The following DLG5 variants were observed in gnomAD, a reference collection of about 807,000 sequenced individuals.
DLG5 encodes the protein discs large MAGUK scaffold protein 5.
DLG5 carries 48 observed loss-of-function variants against 189.8 expected under a neutral mutation model. The ratio of observed to expected loss-of-function variants is 0.25; its 90% CI spans 0.20 to 0.32. DLG5 has a LOEUF of 0.32. Among genes scored for constraint, DLG5 ranks in the 10% least tolerant of loss-of-function variants. DLG5 has a pLI of 1.00. For synonymous variants in DLG5, 1,016 were observed against 1,054.1 expected (o/e 0.96, Z 0.70); for missense variants, 2,160 against 2,544.7 (o/e 0.85, Z 3.25).
intron 26 of DLG5, 40 bp downstream of exon 26, chr10:77,806,718 A>ACGCCCCCCCCCCCC: frequency 7.5e-7 from 1 of 1,333,654 alleles, no homozygotes; most frequent in Non-Finnish European, 1.1e-6. Flanking sequence ...GCCCTCGGCG[A>ACGCCCCCCCCCCCC]CCCCTGCCCC....
intron 9 of DLG5, among the ~76,000 whole-genome samples, chr10:77,833,626 G>A (rs1589179519): frequency 1.3e-5 from 2 of 152,362 alleles, no homozygotes; most frequent in South Asian, 4.1e-4. Context: ...CAGATGGACT[G>A]CTTGGGAACA....
intron 9 of DLG5, among the ~76,000 whole-genome samples, chr10:77,831,329 G>A (rs948723360): frequency 2.0e-5 from 3 of 152,080 alleles, no homozygotes; most frequent in African/African-American, 4.8e-5. Context: ...AATCAGGGAG[G>A]CAGAGGTTGC....
upstream of DLG5, chr10:77,927,923 T>C (rs1295296263): frequency 6.6e-6 from 1 of 152,232 alleles, no homozygotes. Context: ...AATATCTACG[T>C]TGGAATGAGT....
At chr10:77,904,591 T>C (rs1846020149) in intron 1 of DLG5, among the ~76,000 whole-genome samples, 1 of 152,036 alleles carries the variant, frequency 6.6e-6, no homozygotes. Context: ...CCCATGCTAT[T>C]CTTGTGATAG....
At chr10:77,837,082 G>T (rs1843174990) in intron 7 of DLG5, among the ~76,000 whole-genome samples, 2 of 151,698 alleles carry the variant, frequency 1.3e-5, no homozygotes, top group African/African-American at 4.8e-5. Context: ...AGACATGGTG[G>T]CATGTGCCTG....
rs192514678 is a variant in DLG5 at position 77,861,366 on chromosome 10, C to T, written c.374-4474G>A. Among the ~76,000 whole-genome samples the T allele has an allele frequency of 2.4e-3, 361 of 152,354 alleles. 2 individuals are homozygous for T. The highest frequency in any genetic ancestry group is 0.023 in the South Asian group (113 of 4,834). ...GAAAAGCACCACCAGGCCCAGTAAC[C>T]TGCCTTTGGGGAGACAAGAAATTTT... On this transcript the variant is annotated intron_variant, in intron 2 of 31. Transcript: ENST00000372391.
At chr10:77,811,071 G>A in intron 23 of DLG5, 23 bp downstream of exon 23, 2 of 1,607,442 alleles carry the variant, frequency 1.2e-6, no homozygotes, top group Non-Finnish European at 1.7e-6. Flanking sequence ...ACACAGGGAA[G>A]GCTCACAGCA....
chr10:77,860,009 T>C (rs562579982), intron 2 of DLG5, among the ~76,000 whole-genome samples: 27 of 152,188 alleles, frequency 1.8e-4, no homozygotes, highest in Non-Finnish European at 3.4e-4. Flanking sequence ...CTCCAACAAG[T>C]GGAGCTTCCT....
chr10:77,926,221 G>T lies in DLG5; in HGVS notation c.300C>A (p.Gly100=). The T allele has an allele frequency of 6.6e-7, 1 of 1,508,176 alleles. No homozygotes were observed. Among genetic ancestry groups the T allele is most frequent in the Non-Finnish European group, 8.9e-7 (1 of 1,124,764 alleles). 93.4% of individuals were successfully genotyped at this position (1,508,176 alleles called of 1,614,324 possible). ...GVVGPPQPAE[G]AGSTYSVLST... is the part of the protein sequence containing the mutation. Reference sequence around the variant, plus strand: ...GGCCAAGGGTCTGCCACTCACCCGCGCCTTCGGCGGGCTGCGGCGGCCCGA... The same window carrying T: ...GGCCAAGGGTCTGCCACTCACCCGCTCCTTCGGCGGGCTGCGGCGGCCCGA... The change falls in exon 1 of 32, where the codon GGC becomes GGA. Residue 100 remains glycine (G), a synonymous_variant. Transcript: ENST00000372391. The surrounding 1 kb of genome is among the most constrained non-coding windows in gnomAD (Gnocchi z 5.2).
chr10:77,893,017 T>A (rs1845655419), intron 1 of DLG5, among the ~76,000 whole-genome samples: 1 of 152,182 alleles, frequency 6.6e-6, no homozygotes, highest in Non-Finnish European at 1.5e-5. Flanking sequence ...CACCCCCAGG[T>A]TGGGAGCCAA....
At chr10:77,813,306 A>G (rs1200352492) in intron 20 of DLG5, among the ~76,000 whole-genome samples, 1 of 152,140 alleles carries the variant, frequency 6.6e-6, no homozygotes, top group Non-Finnish European at 1.5e-5. Context: ...GTCAGGATAG[A>G]TTCTAGCGGG....
rs1426609753 is a variant in DLG5 at position 77,821,520 on chromosome 10, TA to T, written c.2963del (p.Ile988LysfsTer23). On this transcript the variant is annotated frameshift_variant, in exon 15 of 32. Transcript: ENST00000372391. LOFTEE classifies it high-confidence loss of function. ...TFKRPQTPPK[I>X]DYLLPGPGPA... ...GCCCAGGACCTGGAAGCAGGTAGTC[TA>T]TTTTGGGGGGTGTCTGGGGGCGTTT... 6.2e-7 allele frequency: 1 copy of T among 1,612,590 alleles called. No homozygotes were observed. Among genetic ancestry groups the T allele is most frequent in the East Asian group, 2.2e-5 (1 of 44,856 alleles).
chr10:77,876,974 C>T (rs759114919), intron 1 of DLG5, among the ~76,000 whole-genome samples: 3 of 151,186 alleles, frequency 2.0e-5, no homozygotes, highest in Non-Finnish European at 2.9e-5. Flanking sequence ...GCAATCTGCT[C>T]GCCTCAGCCT....
intron 20 of DLG5, among the ~76,000 whole-genome samples, chr10:77,813,630 A>G (rs1167371607): frequency 1.3e-5 from 2 of 152,002 alleles, no homozygotes; most frequent in African/African-American, 4.8e-5. Context: ...CCACCCCTAC[A>G]TCACCCTCCT....
At chr10:77,939,150 A>G in the DLG5 span, among the ~76,000 whole-genome samples, 1 of 152,240 alleles carries the variant, frequency 6.6e-6, no homozygotes, top group African/African-American at 2.4e-5. Flanking sequence ...ATTGCACTCC[A>G]GCCTGGGCAA....
At chr10:77,896,647 C>A (rs1166279138) in intron 1 of DLG5, among the ~76,000 whole-genome samples, 2 of 151,980 alleles carry the variant, frequency 1.3e-5, no homozygotes, top group Non-Finnish European at 2.9e-5. Flanking sequence ...TCGAGACCAG[C>A]CCAGCAAATA....
chr10:77,899,208 C>A (rs1005750530), intron 1 of DLG5, among the ~76,000 whole-genome samples: 5 of 152,186 alleles, frequency 3.3e-5, no homozygotes, highest in African/African-American at 1.2e-4. Context: ...CCATCCAGGC[C>A]CTCCCAGACT....
Position 77,822,020 on chromosome 10 carries a change from C to T in DLG5, c.2464G>A (p.Ala822Thr), listed in dbSNP as rs1323761213. The T allele has an allele frequency of 2.5e-6, 4 of 1,614,116 alleles. No homozygotes were observed. The highest frequency in any genetic ancestry group is 3.4e-6 in the Non-Finnish European group (4 of 1,180,048). The change falls in exon 15 of 32, where the codon GCC (alanine) becomes ACC (threonine). Residue 822 changes from alanine (A) to threonine (T), a missense_variant. Ala to Thr is a moderately conservative substitution (Grantham distance 58). Transcript: ENST00000372391. ...KDSDKMLSFR[A>T]HGPEVQAHNK... ...TGAGCCTGGACCTCCGGGCCATGGG[C>T]TCGAAAACTCAGCATCTTATCAGAG...
chr10:77,826,322 G>A (rs748354343), intron 13 of DLG5, among the ~76,000 whole-genome samples: 1 of 152,170 alleles, frequency 6.6e-6, no homozygotes, highest in Non-Finnish European at 1.5e-5. Context: ...ATATGCCTTG[G>A]GGCAGATCTA....
Sources: gnomAD v4.1 joint callset for allele counts (sites outside exome capture counted in the v4.1 genomes callset) on GRCh38, gnomAD v4.1.1 for gene constraint, Gnocchi (gnomAD v3.1) non-coding constraint, MANE v1.5 for transcripts, NCBI Gene and HGNC (gene_info 2026-07-23, HGNC 2026-07-21) for gene names.